The following GUCY1A2 variants were observed in gnomAD, a reference collection of about 807,000 sequenced individuals.
GUCY1A2 encodes guanylate cyclase 1 soluble subunit alpha 2.
In GUCY1A2, 27 loss-of-function variants were observed where a neutral mutation model predicts 63.5. That is an observed-to-expected ratio of 0.43 (90% CI 0.31 to 0.59). The LOEUF (loss-of-function observed/expected upper bound fraction) is 0.59, where lower values mean the gene tolerates loss of function less well. GUCY1A2 is among the 20% of genes least tolerant of loss of function. The pLI is 0.11. For missense variants in GUCY1A2, 768 were observed against 913.3 expected, an observed-to-expected ratio of 0.84 and a Z score of 2.05; for synonymous variants, 364 against 343.5, an observed-to-expected ratio of 1.06 and a Z score of -0.66.
intron 7 of GUCY1A2, among the ~76,000 whole-genome samples, chr11:106,707,818 C>T (rs1938613): frequency 0.4 from 61,206 of 151,694 alleles, 12,707 homozygotes; most frequent in Middle Eastern, 0.47. Context: ...TCAAAGATTA[C>T]CTTTAAGATA....
chr11:106,796,998 T>A (rs1371337059), intron 5 of GUCY1A2, among the ~76,000 whole-genome samples: 1 of 152,110 alleles, frequency 6.6e-6, no homozygotes, highest in African/African-American at 2.4e-5. Context: ...TTCTCTAAAC[T>A]TCTCTTCTCG....
At chr11:106,946,486 A>G (rs1860830821) in intron 3 of GUCY1A2, among the ~76,000 whole-genome samples, 1 of 152,192 alleles carries the variant, frequency 6.6e-6, no homozygotes, top group South Asian at 2.1e-4. Flanking sequence ...TACTTATAAA[A>G]GGTGATTAAA....
rs548713820 is a variant in GUCY1A2, at chr11:106,728,801, CTATT to C, written c.1837-20139_1837-20136del. Among the ~76,000 whole-genome samples the C allele has an allele frequency of 7.9e-5, 12 of 152,238 alleles. No homozygotes were observed. The South Asian group carries it at 2.3e-3, about 29-fold the overall frequency. On this transcript the variant is annotated intron_variant, in intron 6 of 7. Transcript: ENST00000526355. ...TACACTCTGAGAGGAGGGACTATCT[CTATT>C]TATCTTTATGTAAGAAGTAGTGGAT...
chr11:106,995,371 G>GT (rs1861522077), intron 1 of GUCY1A2, among the ~76,000 whole-genome samples: 1 of 152,194 alleles, frequency 6.6e-6, no homozygotes, highest in Non-Finnish European at 1.5e-5. Context: ...CACTTAGGTA[G>GT]TAAGTGTCTG....
intron 1 of GUCY1A2, among the ~76,000 whole-genome samples, chr11:106,993,189 A>G (rs905139277): frequency 6.6e-6 from 1 of 152,314 alleles, no homozygotes; most frequent in East Asian, 1.9e-4. Flanking sequence ...TTGTGGGGAC[A>G]AGGAACCCTT....
intron 1 of GUCY1A2, among the ~76,000 whole-genome samples, chr11:106,990,794 G>A (rs1277507412): frequency 1.3e-5 from 2 of 152,118 alleles, no homozygotes; most frequent in Non-Finnish European, 2.9e-5. Flanking sequence ...TGCCTTTGAG[G>A]CTCCCTCTTA....
chr11:106,824,984 A>G, intron 4 of GUCY1A2: 4 of 1,611,814 alleles, frequency 2.5e-6, no homozygotes, highest in South Asian at 2.2e-5. Flanking sequence ...TTTTCTAATT[A>G]AAGATGGTTT....
At chr11:106,797,169 C>A (rs1054377960) in intron 5 of GUCY1A2, among the ~76,000 whole-genome samples, 17 of 152,052 alleles carry the variant, frequency 1.1e-4, no homozygotes, top group Admixed American at 6.6e-5. Context: ...TCTAGTTAGC[C>A]ATTCGTCTAA....
chr11:107,015,375 T>C (rs1861805853), intron 1 of GUCY1A2, among the ~76,000 whole-genome samples: 1 of 152,060 alleles, frequency 6.6e-6, no homozygotes, highest in Non-Finnish European at 1.5e-5. Context: ...AAGCCAGTCA[T>C]TCAAATTTAA....
At chr11:106,900,025 G>T (rs995725934) in intron 4 of GUCY1A2, among the ~76,000 whole-genome samples, 2 of 149,446 alleles carry the variant, frequency 1.3e-5, no homozygotes, top group Admixed American at 1.3e-4. Context: ...GGCAGAGCTT[G>T]CAGTGAGCTA....
chr11:106,861,170 T>C (rs554688543), intron 4 of GUCY1A2, among the ~76,000 whole-genome samples: 136 of 152,082 alleles, frequency 8.9e-4, no homozygotes, highest in African/African-American at 3.1e-3. Flanking sequence ...ACTGCAAAGA[T>C]GTCTCCAAGG....
intron 3 of GUCY1A2, among the ~76,000 whole-genome samples, chr11:106,960,541 C>T (rs2120060755): frequency 6.6e-6 from 1 of 152,160 alleles, no homozygotes; most frequent in East Asian, 1.9e-4. Context: ...ATCTAGAGAG[C>T]AATAAATATT....
intron 4 of GUCY1A2, among the ~76,000 whole-genome samples, chr11:106,847,260 A>T (rs952381762): frequency 6.8e-6 from 1 of 146,764 alleles, no homozygotes; most frequent in African/African-American, 2.5e-5. Context: ...ATATATATAA[A>T]AAATTGTGGT....
intron 4 of GUCY1A2, among the ~76,000 whole-genome samples, chr11:106,871,499 C>G (rs556220861): frequency 5.9e-5 from 9 of 152,106 alleles, no homozygotes; most frequent in Non-Finnish European, 1.2e-4. Flanking sequence ...CCTATGCTTT[C>G]AGACATGTGA....
At chr11:106,810,963 C>T (rs1858754408) in intron 4 of GUCY1A2, among the ~76,000 whole-genome samples, 1 of 151,984 alleles carries the variant, frequency 6.6e-6, no homozygotes, top group African/African-American at 2.4e-5. Flanking sequence ...CATTTTTCAA[C>T]TATTATAGTA....
intron 4 of GUCY1A2, among the ~76,000 whole-genome samples, chr11:106,853,998 G>A (rs1171445573): frequency 1.3e-5 from 2 of 152,242 alleles, no homozygotes; most frequent in Admixed American, 6.5e-5. Context: ...AAGGTCACCA[G>A]GTGGGCTGGT....
chr11:106,754,370 T>C (rs1045296371), intron 6 of GUCY1A2, among the ~76,000 whole-genome samples: 5 of 152,238 alleles, frequency 3.3e-5, no homozygotes, highest in African/African-American at 1.2e-4. Flanking sequence ...CTGATTGCCC[T>C]GGCCAGAGCT....
intron 4 of GUCY1A2, among the ~76,000 whole-genome samples, chr11:106,847,478 T>A (rs925441704): frequency 4.0e-5 from 6 of 151,404 alleles, no homozygotes; most frequent in Non-Finnish European, 8.9e-5. Flanking sequence ...TATTACTGTT[T>A]AAAACAACTA....
chr11:106,915,013 C>T (rs537317928), intron 4 of GUCY1A2, among the ~76,000 whole-genome samples: 1 of 152,084 alleles, frequency 6.6e-6, no homozygotes, highest in East Asian at 1.9e-4. Flanking sequence ...AGCAATCCTG[C>T]AAAAGTAAAG....
Sources: allele counts gnomAD v4.1 joint callset (sites outside exome capture counted in the v4.1 genomes callset), GRCh38; gene constraint gnomAD v4.1.1; transcripts MANE v1.5; gene names NCBI Gene and HGNC (gene_info 2026-07-23, HGNC 2026-07-21).